The following CUX1 variants were observed in gnomAD, a reference collection of about 807,000 sequenced individuals.
CUX1 encodes protein CASP.
A neutral mutation model predicts 158.8 loss-of-function variants in CUX1; 31 were observed. The ratio of observed to expected loss-of-function variants is 0.20; its 90% CI spans 0.15 to 0.26. The LOEUF (loss-of-function observed/expected upper bound fraction) is 0.26. CUX1 is among the 10% of genes least tolerant of loss of function. The pLI is 1.00. For synonymous variants in CUX1, 879 were observed against 862.1 expected (o/e 1.02, Z -0.34); for missense variants, 1,589 against 2,014.6 (o/e 0.79, Z 4.04).
rs530658015 is a variant in CUX1 at position 102,136,804 on chromosome 7, A to G, written c.674+21531A>G. On this transcript the variant is annotated intron_variant, in intron 8 of 23. Coordinates refer to ENST00000292535, the MANE Select transcript of CUX1 (RefSeq NM_181552.4). ...TTTGCTCCAAGCATTTTGTAATCCA[A>G]TTTTTCTACAGATGGAGTTTATGCT... Among the ~76,000 whole-genome samples, 31 of 152,090 alleles carry G rather than the reference A, an allele frequency of 2.0e-4. 1 individual carries two copies. In the South Asian group the frequency reaches 4.6e-3, roughly 22 times the overall value.
intron 8 of CUX1, among the ~76,000 whole-genome samples, chr7:102,151,408 C>A (rs544129174): frequency 1.3e-3 from 196 of 152,082 alleles, no homozygotes; most frequent in Admixed American, 2.6e-3. Context: ...CAAAAATTAG[C>A]CGGGTGTGGT....
intron 18 of CUX1, 43 bp from the exon 19 acceptor site, chr7:102,204,348 A>G (rs1554520489): frequency 6.2e-7 from 1 of 1,605,338 alleles, no homozygotes; most frequent in East Asian, 2.2e-5. Flanking sequence ...GTGTCATGCT[A>G]ATAGCCAGGC....
chr7:102,060,265 G>A (rs1168025131), intron 3 of CUX1, among the ~76,000 whole-genome samples: 4 of 150,272 alleles, frequency 2.7e-5, no homozygotes, highest in South Asian at 2.1e-4. Flanking sequence ...GAGACAGAGC[G>A]AGACTCTGTC....
intron 2 of CUX1, among the ~76,000 whole-genome samples, chr7:102,016,482 G>A (rs1332006221): frequency 6.6e-6 from 1 of 152,208 alleles, no homozygotes; most frequent in Non-Finnish European, 1.5e-5. Context: ...GAAGTCACGT[G>A]CCTCATTCCA....
chr7:102,258,949 C>T (rs1554542950), downstream of CUX1, among the ~76,000 whole-genome samples: 2 of 152,162 alleles, frequency 1.3e-5, no homozygotes, highest in African/African-American at 4.8e-5. Flanking sequence ...TTAGGCTTCT[C>T]CGCGCAGTTG....
At position 102,234,217 on chromosome 7, in the gene CUX1, A is replaced by C. The variant is rs1190349187; in HGVS notation, c.3599A>C (p.Asp1200Ala). 1 of 1,568,754 alleles carries C rather than the reference A, an allele frequency of 6.4e-7. No individual in the cohort carries two copies. The highest frequency in any genetic ancestry group is 8.6e-7 in the Non-Finnish European group (1 of 1,159,116). Reference sequence around the variant, plus strand: ...CCCAACAATGTGGAGAAGCTGATGGACATGAAACGGATGGAGAAGAAAGGT... The same window carrying C: ...CCCAACAATGTGGAGAAGCTGATGGCCATGAAACGGATGGAGAAGAAAGGT... ...NDPNNVEKLMDMKRMEKKAYM... is the reference protein window; with the variant it reads ...NDPNNVEKLMAMKRMEKKAYM... Residue 1200 changes from aspartate (D) to alanine (A), a missense_variant, in exon 22 of 24, where the codon GAC becomes GCC. Physicochemically the swap from Asp to Ala is moderately radical, Grantham distance 126. Coordinates refer to ENST00000292535, the MANE Select transcript of CUX1 (RefSeq NM_181552.4).
intron 3 of CUX1, among the ~76,000 whole-genome samples, chr7:102,066,831 C>T (rs1825601725): frequency 6.6e-6 from 1 of 152,228 alleles, no homozygotes; most frequent in Non-Finnish European, 1.5e-5. Context: ...ACAGTTGAAA[C>T]AGTGCCATTT....
chr7:102,093,453 C>T (rs1828863614), intron 4 of CUX1, among the ~76,000 whole-genome samples: 1 of 152,158 alleles, frequency 6.6e-6, no homozygotes, highest in South Asian at 2.1e-4. Flanking sequence ...TCCCAAAGTG[C>T]TGAGATTACA....
intron 1 of CUX1, among the ~76,000 whole-genome samples, chr7:101,848,837 C>A (rs10244568): frequency 0.014 from 2,196 of 151,468 alleles, 47 homozygotes; most frequent in African/African-American, 0.051. Flanking sequence ...CATAGCAAGA[C>A]CCCCTTCTCC....
chr7:101,931,692 T>C lies in CUX1; in HGVS notation c.141+15467T>C, dbSNP rs145476775. On this transcript the variant is annotated intron_variant, in intron 2 of 23. Coordinates refer to ENST00000292535, the MANE Select transcript of CUX1 (RefSeq NM_181552.4). The stretch of plus-strand genomic sequence containing the variant: ...GCGATCCTCACTTCAGCCTCCCAAG[T>C]AGCTGGGGCTACAGGCATGCACCAT... Among the ~76,000 whole-genome samples, 487 of 152,242 alleles carry C rather than the reference T, an allele frequency of 3.2e-3. 3 individuals carry two copies. The highest frequency in any genetic ancestry group is 5.3e-3 in the Non-Finnish European group (361 of 68,008).
intron 14 of CUX1, among the ~76,000 whole-genome samples, chr7:102,196,160 G>T (rs1563387524): frequency 6.6e-6 from 1 of 152,252 alleles, no homozygotes; most frequent in Non-Finnish European, 1.5e-5. Flanking sequence ...TAATGGTATT[G>T]CATTCTCAAA....
Position 101,824,531 on chromosome 7 carries a change from C to A in CUX1, c.30+6862C>A, listed in dbSNP as rs574088766. 2.6e-5 allele frequency: 4 copies of A among 152,308 alleles called. No homozygotes were observed. The East Asian group carries it at 7.7e-4, about 29-fold the overall frequency. 9.4% of individuals were successfully genotyped at this position (152,308 alleles called of 1,614,324 possible). A position where few individuals can be genotyped will look rare whatever the true frequency, so the allele number is the denominator to read the frequency against. On this transcript the variant is annotated intron_variant, in intron 1 of 23. Transcript: ENST00000292535. ...ATTTGATAAAAGGTAGCAGATGATACCAAAGGTAAATCTTTGTCTTGAAGA... is the reference window on the plus strand; with the variant it reads ...ATTTGATAAAAGGTAGCAGATGATAACAAAGGTAAATCTTTGTCTTGAAGA...
chr7:102,043,063 G>T (rs1465260461), intron 3 of CUX1, among the ~76,000 whole-genome samples: 1 of 152,156 alleles, frequency 6.6e-6, no homozygotes, highest in African/African-American at 2.4e-5. Context: ...CTGGGTTCAA[G>T]CCTCAGCCTC....
chr7:101,887,235 G>T (rs553242784), intron 1 of CUX1, among the ~76,000 whole-genome samples: 7 of 152,198 alleles, frequency 4.6e-5, no homozygotes, highest in South Asian at 2.1e-4. Flanking sequence ...CTTTCTTTCC[G>T]ATGGGGGCAA....
intron 3 of CUX1, among the ~76,000 whole-genome samples, chr7:102,034,951 CAAAA>C (rs915574434): frequency 1.3e-5 from 2 of 150,710 alleles, no homozygotes; most frequent in African/African-American, 2.4e-5. Flanking sequence ...AACAAACAAA[CAAAA>C]AACCCTACTA....
At chr7:101,933,399 A>C (rs757111271) in intron 2 of CUX1, among the ~76,000 whole-genome samples, 1 of 152,236 alleles carries the variant, frequency 6.6e-6, no homozygotes, top group Non-Finnish European at 1.5e-5. Flanking sequence ...AAAAAGAATT[A>C]GATTTTTAAA....
intron 3 of CUX1, among the ~76,000 whole-genome samples, chr7:102,039,374 G>C (rs1404823615): frequency 6.6e-6 from 1 of 152,110 alleles, no homozygotes; most frequent in Non-Finnish European, 1.5e-5. Flanking sequence ...GCCCCTCCCT[G>C]ATCTCAGCCA....
intron 3 of CUX1, among the ~76,000 whole-genome samples, chr7:102,038,263 G>A (rs1053574672): frequency 3.3e-5 from 5 of 152,164 alleles, no homozygotes; most frequent in Admixed American, 6.6e-5. Context: ...GCATCCCACC[G>A]TTGTATGTGG....
chr7:101,996,620 TCCTC>T (rs1585214374), intron 2 of CUX1, among the ~76,000 whole-genome samples: 1 of 150,588 alleles, frequency 6.6e-6, no homozygotes, highest in African/African-American at 2.5e-5. Context: ...CTGACTCCTT[TCCTC>T]CCTCCCTCCC....
Sources: allele counts gnomAD v4.1 joint callset (sites outside exome capture counted in the v4.1 genomes callset), GRCh38; gene constraint gnomAD v4.1.1; transcripts MANE v1.5; gene names NCBI Gene and HGNC (gene_info 2026-07-23, HGNC 2026-07-21).